Variants in KCNH7 observed in about 807,000 individuals in gnomAD.
KCNH7 encodes voltage-gated inwardly rectifying potassium channel KCNH7.
Under a neutral mutation model 120.8 loss-of-function variants are expected in KCNH7, and 49 were observed. The observed-to-expected ratio is 0.41, with a 90% CI of 0.32 to 0.51. The LOEUF (loss-of-function observed/expected upper bound fraction) is 0.51, where lower values mean the gene tolerates loss of function less well. KCNH7 is among the 20% of genes least tolerant of loss of function. The probability of loss-of-function intolerance (pLI) is 0.38; values close to 1 mark genes in which losing one functional copy is unlikely to be tolerated. For synonymous variants in KCNH7, 547 were observed against 516.1 expected, an observed-to-expected ratio of 1.06 and a Z score of -0.81; for missense variants, 1,097 against 1,446.6, an observed-to-expected ratio of 0.76 and a Z score of 3.92.
rs554056517 is a variant in KCNH7 at position 162,435,965 on chromosome 2, A to G, written c.1555-368T>C. Among the ~76,000 whole-genome samples the G allele has an allele frequency of 6.6e-4, 100 of 152,266 alleles. No individual in the cohort carries two copies. The South Asian group carries it at 0.02, about 30-fold the overall frequency. On this transcript the variant is annotated intron_variant, in intron 7 of 15. Coordinates refer to ENST00000332142, the MANE Select transcript of KCNH7 (RefSeq NM_033272.4). The stretch of plus-strand genomic sequence containing the variant: ...AGGCTGATATTATAGTGTTAAACAA[A>G]CAGACATGGTTACTTTCCTAATAGA...
At chr2:162,704,571 T>A (rs995463439) in intron 2 of KCNH7, among the ~76,000 whole-genome samples, 1 of 152,202 alleles carries the variant, frequency 6.6e-6, no homozygotes, top group African/African-American at 2.4e-5. Context: ...TTTTTAAATA[T>A]GTGGTTCAAA....
intron 6 of KCNH7, among the ~76,000 whole-genome samples, chr2:162,485,736 A>T (rs148931846): frequency 2.6e-5 from 4 of 152,300 alleles, no homozygotes; most frequent in East Asian, 3.9e-4. Flanking sequence ...AAGGGCCTGA[A>T]ATCATTATTT....
intron 8 of KCNH7, among the ~76,000 whole-genome samples, chr2:162,430,373 A>G (rs1688023460): frequency 6.6e-6 from 1 of 152,088 alleles, no homozygotes; most frequent in Admixed American, 6.6e-5. Flanking sequence ...TCAAAAGGAT[A>G]CCTATGTAGG....
At chr2:162,751,194 A>T (rs1441691424) in intron 2 of KCNH7, among the ~76,000 whole-genome samples, 1 of 152,158 alleles carries the variant, frequency 6.6e-6, no homozygotes, top group African/African-American at 2.4e-5. Flanking sequence ...GAAGTTATTC[A>T]TGTTTTTCCA....
At chr2:162,625,775 A>C (rs1336282309) in intron 2 of KCNH7, among the ~76,000 whole-genome samples, 8 of 152,162 alleles carry the variant, frequency 5.3e-5, no homozygotes, top group Non-Finnish European at 1.2e-4. Context: ...AGAAGCTATA[A>C]TAACAGGAAA....
At chr2:162,551,284 A>T (rs1052976605) in intron 2 of KCNH7, among the ~76,000 whole-genome samples, 3 of 152,214 alleles carry the variant, frequency 2.0e-5, no homozygotes, top group Non-Finnish European at 4.4e-5. Flanking sequence ...ATTTAAAAGC[A>T]CCACAATGTG....
chr2:162,578,181 G>A (rs1200625558), intron 2 of KCNH7, among the ~76,000 whole-genome samples: 1 of 152,056 alleles, frequency 6.6e-6, no homozygotes, highest in African/African-American at 2.4e-5. Flanking sequence ...GAGAGAGACA[G>A]TGGGTCCTTC....
chr2:162,499,461 G>GAA (rs202165633), intron 6 of KCNH7, among the ~76,000 whole-genome samples: 1 of 151,342 alleles, frequency 6.6e-6, no homozygotes, highest in South Asian at 2.1e-4. Context: ...TGTAGTGCAG[G>GAA]AAAAAAAACA....
chr2:162,646,140 T>C (rs769205635), intron 2 of KCNH7, among the ~76,000 whole-genome samples: 2 of 151,580 alleles, frequency 1.3e-5, no homozygotes, highest in African/African-American at 4.9e-5. Flanking sequence ...AAGAAGAGAG[T>C]TCCAATAAGC....
intron 2 of KCNH7, among the ~76,000 whole-genome samples, chr2:162,538,861 A>C (rs892944285): frequency 3.3e-5 from 5 of 152,118 alleles, no homozygotes; most frequent in African/African-American, 1.2e-4. Flanking sequence ...TTTGTAAGTT[A>C]GGAATGCCTA....
At chr2:162,592,518 G>A (rs754581284) in intron 2 of KCNH7, among the ~76,000 whole-genome samples, 9 of 152,022 alleles carry the variant, frequency 5.9e-5, no homozygotes, top group Admixed American at 1.3e-4. Context: ...ATAGGCTATG[G>A]GCAGGCATAG....
intron 9 of KCNH7, among the ~76,000 whole-genome samples, chr2:162,411,912 C>T (rs778679974): frequency 6.6e-6 from 1 of 151,852 alleles, no homozygotes; most frequent in South Asian, 2.1e-4. Context: ...ATGCTTAGAA[C>T]ATCCAATATT....
intron 6 of KCNH7, among the ~76,000 whole-genome samples, chr2:162,480,817 A>G (rs1219773294): frequency 6.6e-6 from 1 of 152,166 alleles, no homozygotes; most frequent in African/African-American, 2.4e-5. Flanking sequence ...ATATAGGGCA[A>G]GAAGTTACGA....
chr2:162,612,428 T>C (rs1682999703), intron 2 of KCNH7, among the ~76,000 whole-genome samples: 1 of 152,146 alleles, frequency 6.6e-6, no homozygotes, highest in African/African-American at 2.4e-5. Context: ...ATTACACATT[T>C]TTAATGCTTA....
intron 2 of KCNH7, among the ~76,000 whole-genome samples, chr2:162,574,638 A>G (rs1050662618): frequency 6.6e-6 from 1 of 152,072 alleles, no homozygotes; most frequent in African/African-American, 2.4e-5. Flanking sequence ...AGAACAATCC[A>G]TGGGTTCTTT....
At chr2:162,787,666 G>A (rs1414003630) in intron 2 of KCNH7, among the ~76,000 whole-genome samples, 1 of 152,158 alleles carries the variant, frequency 6.6e-6, no homozygotes, top group Non-Finnish European at 1.5e-5. Flanking sequence ...AGCAGGCCTG[G>A]CCCAGGACCA....
intron 9 of KCNH7, among the ~76,000 whole-genome samples, chr2:162,403,652 T>G (rs1343430791): frequency 2.0e-5 from 3 of 151,958 alleles, no homozygotes; most frequent in African/African-American, 7.2e-5. Context: ...GATACAATGT[T>G]GGCATGAACT....
rs140986155 is a variant in KCNH7 at position 162,613,643 on chromosome 2, A to C, written c.308-76563T>G. On this transcript the variant is annotated intron_variant, in intron 2 of 15. Coordinates refer to ENST00000332142, the MANE Select transcript of KCNH7 (RefSeq NM_033272.4). The stretch of plus-strand genomic sequence containing the variant: ...TATTTCAAACTTTTTTTTTCTCTAA[A>C]GGTATTGCTCAAAAGGTATTGGGGC... 1.9e-3 allele frequency among the ~76,000 whole-genome samples: 290 copies of C among 152,060 alleles called. 1 individual carries two copies. Among genetic ancestry groups the C allele is most frequent in the African/African-American group, 6.5e-3 (271 of 41,548 alleles).
intron 5 of KCNH7, among the ~76,000 whole-genome samples, chr2:162,506,120 A>G (rs1380144892): frequency 6.6e-6 from 1 of 152,026 alleles, no homozygotes; most frequent in East Asian, 1.9e-4. Flanking sequence ...AGTCTTATCC[A>G]TGACGATGAC....
Sources: allele counts gnomAD v4.1 joint callset (sites outside exome capture counted in the v4.1 genomes callset), GRCh38; gene constraint gnomAD v4.1.1; transcripts MANE v1.5; gene names NCBI Gene and HGNC (gene_info 2026-07-23, HGNC 2026-07-21).